Variants in METTL15 observed in about 807,000 individuals in gnomAD.
METTL15 encodes methyltransferase 15, mitochondrial 12S rRNA N4-cytidine.
Under a neutral mutation model 38.3 loss-of-function variants are expected in METTL15, and 34 were observed. That is an observed-to-expected ratio of 0.89 (90% CI 0.68 to 1.18). METTL15 has a LOEUF of 1.18. Among genes scored for constraint, METTL15 ranks in the 50% most tolerant of loss-of-function variants. The pLI is 0.00. For missense variants in METTL15, 438 were observed against 498.4 expected, an observed-to-expected ratio of 0.88 and a Z score of 1.15; for synonymous variants, 162 against 170.9, an observed-to-expected ratio of 0.95 and a Z score of 0.41.
chr11:28,279,940 A>G (rs1051100709), intron 4 of METTL15, among the ~76,000 whole-genome samples: 1 of 151,730 alleles, frequency 6.6e-6, no homozygotes, highest in Non-Finnish European at 1.5e-5. Flanking sequence ...AAGGAAGGCT[A>G]ACATAAATTA....
chr11:28,269,850 C>G (rs1855573255), intron 4 of METTL15, among the ~76,000 whole-genome samples: 1 of 152,212 alleles, frequency 6.6e-6, no homozygotes, highest in South Asian at 2.1e-4. Flanking sequence ...AGCTTACATG[C>G]TGATCTCTGC....
chr11:28,341,334 C>A (rs1227610538), intron 3 of METTL15, among the ~76,000 whole-genome samples: 1 of 152,022 alleles, frequency 6.6e-6, no homozygotes, highest in Non-Finnish European at 1.5e-5. Context: ...ATTTGCTATT[C>A]TATTTACTCT....
At chr11:28,156,937 T>C (rs1850283997) in intron 3 of METTL15, among the ~76,000 whole-genome samples, 2 of 152,222 alleles carry the variant, frequency 1.3e-5, no homozygotes, top group African/African-American at 2.4e-5. Context: ...AAATTGTTTC[T>C]GAAAACATGT....
Position 28,419,282 on chromosome 11 carries a change from G to A in METTL15, c.*359-5017G>A, listed in dbSNP as rs1850799558. 1.3e-5 allele frequency among the ~76,000 whole-genome samples: 2 copies of A among 152,162 alleles called. 1 individual carries two copies. The highest frequency in any genetic ancestry group is 3.9e-4 in the East Asian group (2 of 5,180). On this transcript the variant is annotated intron_variant and NMD_transcript_variant, in intron 5 of 7. Coordinates refer to the METTL15 transcript ENST00000532947. ...TGTGTGACCTCTCCCCCAGCTCCAGGCAGCTCAGCATAGAGAGGAAGAGAG... is the reference window on the plus strand; with the variant it reads ...TGTGTGACCTCTCCCCCAGCTCCAGACAGCTCAGCATAGAGAGGAAGAGAG...
In METTL15 at chr11:28,436,563, GT is replaced by G. The variant is rs571658383; in HGVS notation, c.*424+12211del. On this transcript the variant is annotated intron_variant and NMD_transcript_variant, in intron 6 of 7. Transcript: ENST00000532947. ...CCTCCATATATCTCTGACATTGAGT[GT>G]TTTTTTTTTTTGGAAATGCTTGCAT... is the stretch of plus-strand genomic sequence containing the variant. 4.5e-3 allele frequency among the ~76,000 whole-genome samples: 634 copies of G among 139,622 alleles called. 4 individuals carry two copies. The highest frequency in any genetic ancestry group is 7.5e-3 in the Middle Eastern group (2 of 268). The allele number at this position is 139,622 out of a possible 152,430, so 91.6% of individuals were successfully genotyped here.
intron 5 of METTL15, among the ~76,000 whole-genome samples, chr11:28,371,694 G>T (rs1850244749): frequency 6.6e-6 from 1 of 151,770 alleles, no homozygotes; most frequent in Non-Finnish European, 1.5e-5. Context: ...AGTTTACTTT[G>T]TATAGACCTT....
intron 5 of METTL15, among the ~76,000 whole-genome samples, chr11:28,378,359 G>T (rs1002909572): frequency 1.3e-5 from 2 of 152,144 alleles, no homozygotes; most frequent in African/African-American, 4.8e-5. Flanking sequence ...ATCTCGTGGT[G>T]CATCGCTTTT....
chr11:28,268,683 A>G (rs929729056), intron 4 of METTL15, among the ~76,000 whole-genome samples: 1 of 152,152 alleles, frequency 6.6e-6, no homozygotes, highest in Non-Finnish European at 1.5e-5. Context: ...TTTATTTGAG[A>G]AATATCCTTT....
intron 3 of METTL15, among the ~76,000 whole-genome samples, chr11:28,346,978 A>G (rs1850001640): frequency 6.6e-6 from 1 of 152,260 alleles, no homozygotes; most frequent in South Asian, 2.1e-4. Context: ...TGACAAATGT[A>G]GTCATGGCTC....
intron 4 of METTL15, among the ~76,000 whole-genome samples, chr11:28,219,919 T>C (rs1225375948): frequency 6.6e-6 from 1 of 152,216 alleles, no homozygotes; most frequent in African/African-American, 2.4e-5. Context: ...CACTATGGTC[T>C]GAGAGACAGT....
At chr11:28,129,990 G>A (rs1484425677) in intron 3 of METTL15, among the ~76,000 whole-genome samples, 3 of 151,946 alleles carry the variant, frequency 2.0e-5, no homozygotes, top group Non-Finnish European at 4.4e-5. Context: ...CAATTCATGG[G>A]GAAAAGAGAA....
At chr11:28,232,524 AAAT>A (rs1273627191) in intron 4 of METTL15, among the ~76,000 whole-genome samples, 4 of 151,898 alleles carry the variant, frequency 2.6e-5, no homozygotes, top group African/African-American at 9.6e-5. Context: ...GTAAGTTATT[AAAT>A]AATAATTAAA....
chr11:28,169,944 T>G (rs1484068059), intron 3 of METTL15, among the ~76,000 whole-genome samples: 2 of 152,186 alleles, frequency 1.3e-5, no homozygotes, highest in Non-Finnish European at 2.9e-5. Flanking sequence ...CTAATGATTT[T>G]CTTCTACTCT....
chr11:28,109,990 A>G (rs995022397), intron 1 of METTL15, among the ~76,000 whole-genome samples, 176 bp from the exon 2 acceptor site: 1 of 152,272 alleles, frequency 6.6e-6, no homozygotes, highest in African/African-American at 2.4e-5. Flanking sequence ...AAATTGGAGT[A>G]TAACTGCTGT....
chr11:28,485,438 A>G (rs1851430487), intron 6 of METTL15, among the ~76,000 whole-genome samples: 1 of 152,164 alleles, frequency 6.6e-6, no homozygotes, highest in African/African-American at 2.4e-5. Context: ...TAAGAACATA[A>G]AAACCAAATC....
chr11:28,334,802 T>C (rs1385897153), downstream of METTL15, among the ~76,000 whole-genome samples: 2 of 152,188 alleles, frequency 1.3e-5, no homozygotes, highest in Non-Finnish European at 2.9e-5. Flanking sequence ...CATAAAATTT[T>C]AAAAACATTT....
intron 5 of METTL15, chr11:28,398,949 T>C (rs1451425218): frequency 6.6e-6 from 1 of 152,016 alleles, no homozygotes; most frequent in Non-Finnish European, 1.5e-5. Context: ...AAAAAGCTAC[T>C]TTAAATTTCA....
rs78459030 is a variant in METTL15, at chr11:28,514,096, A to G, written c.*425-12382A>G. 7.9e-3 allele frequency among the ~76,000 whole-genome samples: 1,210 copies of G among 152,298 alleles called. 24 individuals are homozygous for G. The highest frequency in any genetic ancestry group is 0.027 in the African/African-American group (1,138 of 41,568). On this transcript the variant is annotated intron_variant and NMD_transcript_variant, in intron 6 of 7. Coordinates refer to the METTL15 transcript ENST00000532947. ...ACATTGTAATTATCTTCCCAGATCCATTCCACCCCTCCCCCATTACACTGT... is the reference window on the plus strand; with the variant it reads ...ACATTGTAATTATCTTCCCAGATCCGTTCCACCCCTCCCCCATTACACTGT...
intron 6 of METTL15, among the ~76,000 whole-genome samples, chr11:28,435,418 A>G (rs963727243): frequency 6.6e-6 from 1 of 152,176 alleles, no homozygotes; most frequent in Non-Finnish European, 1.5e-5. Flanking sequence ...TTCTGGGCAG[A>G]TGCTTTCCAT....
Sources: gnomAD v4.1 joint callset for allele counts (sites outside exome capture counted in the v4.1 genomes callset) on GRCh38, gnomAD v4.1.1 for gene constraint, MANE v1.5 for transcripts, NCBI Gene and HGNC (gene_info 2026-07-23, HGNC 2026-07-21) for gene names.